ARHGEF28: variants seen among roughly 807,000 people sequenced by gnomAD.
ARHGEF28 encodes the protein Rho guanine nucleotide exchange factor 28.
Under a neutral mutation model 206.6 loss-of-function variants are expected in ARHGEF28, and 152 were observed. The ratio of observed to expected loss-of-function variants is 0.74; its 90% CI spans 0.64 to 0.84. The LOEUF is 0.84. Among genes scored for constraint, ARHGEF28 ranks in the 40% least tolerant of loss-of-function variants. The pLI, the probability that ARHGEF28 is intolerant of heterozygous loss-of-function variation, is 0.00. For missense variants in ARHGEF28, 2,028 were observed against 2,073.2 expected (o/e 0.98, Z 0.42); for synonymous variants, 763 against 776.4 (o/e 0.98, Z 0.29).
intron 2 of ARHGEF28, among the ~76,000 whole-genome samples, chr5:73,721,475 A>G (rs1394291460): frequency 1.3e-5 from 2 of 152,220 alleles, no homozygotes; most frequent in African/African-American, 2.4e-5. Context: ...GCTACTGGTC[A>G]GTGACTTCAG....
At chr5:73,703,417 C>T (rs538047069) in intron 2 of ARHGEF28, among the ~76,000 whole-genome samples, 17 of 152,106 alleles carry the variant, frequency 1.1e-4, no homozygotes, top group Middle Eastern at 3.4e-3. Context: ...GGGAACAGGA[C>T]GGCACTCAGG....
At chr5:73,661,635 G>A (rs756066607) in intron 1 of ARHGEF28, among the ~76,000 whole-genome samples, 3 of 151,974 alleles carry the variant, frequency 2.0e-5, no homozygotes, top group Non-Finnish European at 4.4e-5. Context: ...GCCATTGTAG[G>A]GTTATTAATT....
At chr5:73,841,142 G>A (rs567356866) in intron 11 of ARHGEF28, among the ~76,000 whole-genome samples, 65 of 152,238 alleles carry the variant, frequency 4.3e-4, no homozygotes, top group African/African-American at 1.4e-3. Context: ...TTTTCCTCTC[G>A]TGTACTAGGA....
intron 2 of ARHGEF28, among the ~76,000 whole-genome samples, chr5:73,699,150 G>T (rs917221064): frequency 6.6e-6 from 1 of 151,762 alleles, no homozygotes; most frequent in Non-Finnish European, 1.5e-5. Flanking sequence ...CTCCCCTAGA[G>T]CTGTGTGTGT....
At chr5:73,878,281 A>G (rs565867554) in intron 22 of ARHGEF28, among the ~76,000 whole-genome samples, 2 of 149,738 alleles carry the variant, frequency 1.3e-5, no homozygotes, top group Non-Finnish European at 3.0e-5. Context: ...TGCTTGGTAG[A>G]TCTTCCTCCA....
At position 73,818,246 on chromosome 5, in the gene ARHGEF28, C is replaced by T. The variant is rs1343551802; in HGVS notation, c.1025-14092C>T. 2.0e-5 allele frequency among the ~76,000 whole-genome samples: 3 copies of T among 152,198 alleles called. No homozygotes were observed. The East Asian group carries it at 5.8e-4, about 29-fold the overall frequency. On this transcript the variant is annotated intron_variant, in intron 9 of 35. Coordinates refer to ENST00000513042, the MANE Select transcript of ARHGEF28 (RefSeq NM_001177693.2). ...ATTGTTTTGGACTATTTCATGAGCT[C>T]ATTTAATGTTTACAGGGCAGGTACC... is the stretch of plus-strand genomic sequence containing the variant.
rs778001453 is a variant in ARHGEF28, at chr5:73,923,124, T to TC, written c.4948+11554dup. The TC allele has an allele frequency of 2.9e-5, 45 of 1,535,794 alleles. 3 individuals are homozygous for TC. In the South Asian group the frequency reaches 4.9e-4, roughly 17 times the overall value. On this transcript the variant is annotated intron_variant, in intron 35 of 35. Coordinates refer to ENST00000513042, the MANE Select transcript of ARHGEF28 (RefSeq NM_001177693.2). ...CAAAGTGCAGTTGTACGTTGACATC[T>TC]CCCCCGGGACTGTGGACTGGAACCA...
intron 21 of ARHGEF28, 151 bp from the exon 22 acceptor site, chr5:73,872,848 A>G: frequency 1.1e-6 from 1 of 945,166 alleles, no homozygotes; most frequent in Non-Finnish European, 1.5e-6. Context: ...TGAAATGTTT[A>G]ATGTTGACTT....
chr5:73,758,975 A>C (rs1752460158), intron 4 of ARHGEF28, among the ~76,000 whole-genome samples: 1 of 152,230 alleles, frequency 6.6e-6, no homozygotes, highest in African/African-American at 2.4e-5. Context: ...TATGAGTGAA[A>C]GAAAATTTTA....
chr5:73,636,200 T>G (rs567521171), intron 1 of ARHGEF28, among the ~76,000 whole-genome samples: 1 of 152,324 alleles, frequency 6.6e-6, no homozygotes, highest in East Asian at 1.9e-4. Context: ...CAACTATAGA[T>G]AACTTAGGTT....
intron 1 of ARHGEF28, among the ~76,000 whole-genome samples, chr5:73,646,603 C>T (rs1430951807): frequency 6.6e-6 from 1 of 152,126 alleles, no homozygotes; most frequent in Admixed American, 6.6e-5. Flanking sequence ...CTCCTCTGCC[C>T]CAAACACTCT....
intron 4 of ARHGEF28, among the ~76,000 whole-genome samples, chr5:73,754,275 C>T (rs1453400776): frequency 3.3e-5 from 5 of 152,182 alleles, no homozygotes; most frequent in African/African-American, 1.2e-4. Flanking sequence ...AAAAGGATCT[C>T]TGTTTCTTTC....
At chr5:73,667,341 T>C (rs1231629216) in intron 1 of ARHGEF28, among the ~76,000 whole-genome samples, 1 of 152,208 alleles carries the variant, frequency 6.6e-6, no homozygotes, top group Non-Finnish European at 1.5e-5. Context: ...TTGAGTCCCT[T>C]GAGCCATACC....
At chr5:73,881,923 T>C (rs1424955725) in intron 22 of ARHGEF28, among the ~76,000 whole-genome samples, 1 of 152,238 alleles carries the variant, frequency 6.6e-6, no homozygotes, top group Admixed American at 6.5e-5. Context: ...TCTTGGCTAA[T>C]GATAGCCTGC....
chr5:73,867,992 A>G lies in ARHGEF28; in HGVS notation c.2269A>G (p.Arg757Gly), dbSNP rs1469174787. ...ETVGQVHPLS[R>G]SVPGTTLESF... is the part of the protein sequence containing the mutation. ...TGTGGGACAGGTCCATCCATTGTCC[A>G]GAAGTGTTCCAGGCACCACCTTGGA... Residue 757 changes from arginine (R) to glycine (G), a missense_variant, in exon 19 of 36, where the codon AGA becomes GGA. Coordinates refer to ENST00000513042, the MANE Select transcript of ARHGEF28 (RefSeq NM_001177693.2). 4.3e-6 allele frequency: 7 copies of G among 1,613,866 alleles called. No homozygotes were observed. The highest frequency in any genetic ancestry group is 1.3e-5 in the African/African-American group (1 of 74,924).
intron 17 of ARHGEF28, 77 bp downstream of exon 17, chr5:73,864,949 T>C (rs1188015905): frequency 3.1e-6 from 4 of 1,310,120 alleles, no homozygotes; most frequent in Non-Finnish European, 4.3e-6. Context: ...TACTCTTTTT[T>C]ATTACCATCT....
At chr5:73,693,942 TG>T (rs1422933233) in intron 2 of ARHGEF28, among the ~76,000 whole-genome samples, 1 of 152,140 alleles carries the variant, frequency 6.6e-6, no homozygotes, top group Non-Finnish European at 1.5e-5. Context: ...GAGAGGACCA[TG>T]GTAACTGTTT....
rs763251878 is a variant in ARHGEF28 at position 73,909,829 on chromosome 5, C to T, written c.4579C>T (p.Leu1527=). The stretch of plus-strand genomic sequence containing the variant: ...GGCGAGGATGCGGGCCCAGCAGAGC[C>T]TGCTGGGCCACTGGAAGCACGGCCG... The part of the protein sequence containing the change: ...EQARMRAQQS[L]LGHWKHGRQR... Residue 1527 remains leucine, a synonymous_variant, in exon 34 of 36, where the codon CTG becomes TTG. Transcript: ENST00000513042. 1.3e-6 allele frequency: 2 copies of T among 1,539,236 alleles called. No homozygotes were observed. The highest frequency in any genetic ancestry group is 1.7e-6 in the Non-Finnish European group (2 of 1,154,376).
Position 73,883,755 on chromosome 5 carries a change from A to G in ARHGEF28, c.2938-12A>G. ...GTAGAATTTGTGTACATAAAAGTAT[A>G]TATTTTTTAAGCTCCGAAATAGTAA... On this transcript the variant is annotated splice_polypyrimidine_tract_variant and intron_variant, in intron 23 of 35. Transcript: ENST00000513042. The G allele has an allele frequency of 6.6e-7, 1 of 1,509,474 alleles. No individual in the cohort carries two copies. The highest frequency in any genetic ancestry group is 8.9e-7 in the Non-Finnish European group (1 of 1,117,354). 93.5% of individuals were successfully genotyped at this position (1,509,474 alleles called of 1,614,324 possible). A position where few individuals can be genotyped will look rare whatever the true frequency, so the allele number is the denominator to read the frequency against.
Sources: allele counts gnomAD v4.1 joint callset (sites outside exome capture counted in the v4.1 genomes callset), GRCh38; gene constraint gnomAD v4.1.1; transcripts MANE v1.5; gene names NCBI Gene and HGNC (gene_info 2026-07-23, HGNC 2026-07-21).